The following EYA2 variants were observed in gnomAD, a reference collection of about 807,000 sequenced individuals.
EYA2 encodes protein phosphatase EYA2.
In EYA2, 31 loss-of-function variants were observed where a neutral mutation model predicts 69.2. The ratio of observed to expected loss-of-function variants is 0.45; its 90% confidence interval spans 0.34 to 0.60. The LOEUF (loss-of-function observed/expected upper bound fraction) is 0.60. Among genes scored for constraint, EYA2 ranks in the 20% least tolerant of loss-of-function variants. The pLI is 0.02. For synonymous variants in EYA2, 257 were observed against 279.4 expected, an observed-to-expected ratio of 0.92 and a Z score of 0.80; for missense variants, 622 against 701.2, an observed-to-expected ratio of 0.89 and a Z score of 1.28.
At chr20:46,952,561 G>A (rs1054683878) in intron 1 of EYA2, among the ~76,000 whole-genome samples, 15 of 152,078 alleles carry the variant, frequency 9.9e-5, no homozygotes, top group African/African-American at 3.1e-4. Flanking sequence ...AACAGTGAAG[G>A]GCAGAGCAAG....
chr20:47,142,274 A>G (rs2033612334), intron 9 of EYA2, among the ~76,000 whole-genome samples: 1 of 152,266 alleles, frequency 6.6e-6, no homozygotes, highest in Non-Finnish European at 1.5e-5. Context: ...TGCAGGGAGA[A>G]GCACCTCAGG....
chr20:46,940,870 G>C (rs1600564236), intron 1 of EYA2, among the ~76,000 whole-genome samples: 1 of 152,334 alleles, frequency 6.6e-6, no homozygotes. Context: ...CCATCCACGG[G>C]CAACCCGCAG....
Position 47,005,809 on chromosome 20 carries a change from C to T in EYA2, c.298+725C>T, listed in dbSNP as rs76399547. Among the ~76,000 whole-genome samples, 73 of 152,350 alleles carry T rather than the reference C, an allele frequency of 4.8e-4. 1 individual carries two copies. The East Asian group carries it at 9.6e-3, about 20-fold the overall frequency. ...CTTACAGCTAAGAACTGAAGACTTG[C>T]GAACCTGGCTCACCATCCATGCCCA... is the stretch of plus-strand genomic sequence containing the variant. On this transcript the variant is annotated intron_variant, in intron 4 of 15. Coordinates refer to ENST00000327619, the MANE Select transcript of EYA2 (RefSeq NM_005244.5).
chr20:46,959,950 C>T (rs756462274), intron 1 of EYA2, among the ~76,000 whole-genome samples: 1 of 152,254 alleles, frequency 6.6e-6, no homozygotes, highest in Non-Finnish European at 1.5e-5. Context: ...GGGAATCTGT[C>T]GCCTGATTTT....
chr20:47,115,193 C>G lies in EYA2; in HGVS notation c.888+18025C>G, dbSNP rs543432266. On this transcript the variant is annotated intron_variant, in intron 9 of 15. Transcript: ENST00000327619. ...ACCACCTTACCCTTCTCCCACCTGCCAGAGGGATTGCTTGAAAATGCAAAT... is the reference window on the plus strand; with the variant it reads ...ACCACCTTACCCTTCTCCCACCTGCGAGAGGGATTGCTTGAAAATGCAAAT... Among the ~76,000 whole-genome samples the G allele has an allele frequency of 9.2e-5, 14 of 152,244 alleles. No individual in the cohort carries two copies. The South Asian group carries it at 2.9e-3, about 32-fold the overall frequency.
chr20:47,046,350 G>T (rs2030036532), intron 5 of EYA2, among the ~76,000 whole-genome samples: 1 of 152,234 alleles, frequency 6.6e-6, no homozygotes, highest in South Asian at 2.1e-4. Context: ...TTGTGAGCTT[G>T]ATCACTGTGA....
chr20:46,954,533 G>C (rs1978998838), intron 1 of EYA2, among the ~76,000 whole-genome samples: 1 of 152,240 alleles, frequency 6.6e-6, no homozygotes. Flanking sequence ...TCTCCTGGCA[G>C]CTCGCTCTCT....
intron 10 of EYA2, among the ~76,000 whole-genome samples, chr20:47,146,708 C>A (rs1346440119): frequency 6.6e-6 from 1 of 152,204 alleles, no homozygotes; most frequent in Non-Finnish European, 1.5e-5. Flanking sequence ...CAGAGAGAGG[C>A]GTGCTCAAGG....
At chr20:46,937,027 G>A (rs1985939867) in intron 1 of EYA2, among the ~76,000 whole-genome samples, 1 of 152,204 alleles carries the variant, frequency 6.6e-6, no homozygotes, top group East Asian at 1.9e-4. Flanking sequence ...AGAATGGGGA[G>A]CGCTTTTAAT....
chr20:47,126,345 C>G (rs2033191746), intron 9 of EYA2, among the ~76,000 whole-genome samples: 1 of 152,186 alleles, frequency 6.6e-6, no homozygotes, highest in South Asian at 2.1e-4. Context: ...CCCATGCATC[C>G]CAAGTGCTTT....
intron 12 of EYA2, among the ~76,000 whole-genome samples, chr20:47,176,937 G>T (rs1434390647): frequency 6.6e-6 from 1 of 151,062 alleles, no homozygotes; most frequent in Non-Finnish European, 1.5e-5. Context: ...GAATACAGGC[G>T]CCTGCCACCA....
At chr20:47,003,989 C>G (rs1168066460) in intron 3 of EYA2, among the ~76,000 whole-genome samples, 4 of 152,192 alleles carry the variant, frequency 2.6e-5, no homozygotes, top group Non-Finnish European at 4.4e-5. Context: ...GCATGTGACA[C>G]AATTCCCAAC....
chr20:46,959,670 G>A (rs893792674), intron 1 of EYA2, among the ~76,000 whole-genome samples: 5 of 151,458 alleles, frequency 3.3e-5, no homozygotes, highest in Non-Finnish European at 7.4e-5. Flanking sequence ...ACGCACGCAC[G>A]TACTTTCCTT....
intron 10 of EYA2, among the ~76,000 whole-genome samples, chr20:47,150,633 A>G (rs1322555349): frequency 1.3e-5 from 2 of 151,896 alleles, no homozygotes; most frequent in Non-Finnish European, 2.9e-5. Flanking sequence ...ATGCTCCGCT[A>G]ATATTTTTAT....
At chr20:47,017,326 T>G (rs1313086408) in intron 5 of EYA2, among the ~76,000 whole-genome samples, 1 of 152,156 alleles carries the variant, frequency 6.6e-6, no homozygotes, top group East Asian at 1.9e-4. Flanking sequence ...TGTACTTTTT[T>G]TTGAGATGGA....
intron 1 of EYA2, among the ~76,000 whole-genome samples, chr20:46,982,567 C>T (rs1156680046): frequency 6.6e-6 from 1 of 152,134 alleles, no homozygotes; most frequent in Non-Finnish European, 1.5e-5. Flanking sequence ...CCTTCTGTGG[C>T]TCCTATTACA....
intron 5 of EYA2, among the ~76,000 whole-genome samples, chr20:47,061,253 A>C (rs2030869474): frequency 6.6e-6 from 1 of 152,168 alleles, no homozygotes. Flanking sequence ...CAGGCCTGGC[A>C]TGCTGGCTTA....
intron 3 of EYA2, among the ~76,000 whole-genome samples, chr20:47,004,614 C>T (rs1237833356): frequency 6.6e-6 from 1 of 152,158 alleles, no homozygotes; most frequent in African/African-American, 2.4e-5. Flanking sequence ...GTGCCCTCCA[C>T]AGTTGCTATC....
intron 7 of EYA2, among the ~76,000 whole-genome samples, chr20:47,081,722 C>T (rs1276003186): frequency 4.9e-5 from 7 of 142,620 alleles, no homozygotes; most frequent in Non-Finnish European, 1.5e-5. Flanking sequence ...GAGGTTGCAG[C>T]GAGCCAAGAT....
Sources: allele counts gnomAD v4.1 joint callset (sites outside exome capture counted in the v4.1 genomes callset), GRCh38; gene constraint gnomAD v4.1.1; transcripts MANE v1.5; gene names NCBI Gene and HGNC (gene_info 2026-07-23, HGNC 2026-07-21).